RGPD3: variants seen among roughly 807,000 people sequenced by gnomAD.
RGPD3 encodes the protein ranBP2-like and GRIP domain-containing protein 3.
Under a neutral mutation model 154.5 loss-of-function variants are expected in RGPD3, and 62 were observed. The ratio of observed to expected loss-of-function variants is 0.40; its 90% CI spans 0.33 to 0.50. RGPD3 has a LOEUF of 0.50. RGPD3 is among the 20% of genes least tolerant of loss of function. The pLI, the probability that RGPD3 is intolerant of heterozygous loss-of-function variation, is 0.59. For synonymous variants in RGPD3, 308 were observed against 607.0 expected (o/e 0.51, Z 7.24); for missense variants, 919 against 1,716.8 (o/e 0.54, Z 8.21).
At position 106,436,249 on chromosome 2, in the gene RGPD3, A is replaced by C. The variant is rs544753383; in HGVS notation, c.1635-3T>G. 262 of 1,611,916 alleles carry C rather than the reference A, an allele frequency of 1.6e-4. 1 individual carries two copies. In the Middle Eastern group the frequency reaches 2.0e-3, roughly 12 times the overall value. On this transcript the variant is annotated splice_region_variant and splice_polypyrimidine_tract_variant and intron_variant, in intron 11 of 22. Transcript: ENST00000409886. ...TCAATTTTGCTGAGTTTCCAGGTCTAAAAAATAGTTCAATTTACTAAAATT... is the reference window on the plus strand; with the variant it reads ...TCAATTTTGCTGAGTTTCCAGGTCTCAAAAATAGTTCAATTTACTAAAATT...
intron 22 of RGPD3, among the ~76,000 whole-genome samples, chr2:106,406,813 T>C (rs1467831997): frequency 1.3e-5 from 2 of 152,214 alleles, no homozygotes; most frequent in East Asian, 1.9e-4. Context: ...TGTGTTTTCA[T>C]ACGTATATAT....
chr2:106,464,830 T>A (rs1678518315), intron 1 of RGPD3, among the ~76,000 whole-genome samples: 1 of 151,670 alleles, frequency 6.6e-6, no homozygotes, highest in African/African-American at 2.4e-5. Context: ...TTCAAGCAAT[T>A]CTCCTGTCTC....
chr2:106,450,369 C>T (rs62152518), intron 6 of RGPD3, among the ~76,000 whole-genome samples: 72,011 of 110,750 alleles, frequency 0.65, 23,409 homozygotes, highest in East Asian at 0.99. Flanking sequence ...GACAAACCAT[C>T]TGTCACCCAC....
chr2:106,465,837 C>A (rs548773397), intron 1 of RGPD3, among the ~76,000 whole-genome samples: 27 of 151,116 alleles, frequency 1.8e-4, no homozygotes, highest in African/African-American at 6.1e-4. Flanking sequence ...AAAGGGACAG[C>A]GACAAACACC....
At chr2:106,467,512 G>C (rs1238441802) in intron 1 of RGPD3, among the ~76,000 whole-genome samples, 1 of 55,098 alleles carries the variant, frequency 1.8e-5, no homozygotes, top group African/African-American at 8.1e-5. Context: ...CTGAGCCATC[G>C]AGGCCGCCGC....
chr2:106,414,858 T>C (rs1478722438), intron 21 of RGPD3, among the ~76,000 whole-genome samples: 1 of 151,648 alleles, frequency 6.6e-6, no homozygotes, highest in Non-Finnish European at 1.5e-5. Flanking sequence ...GCAGGACAGA[T>C]CTATTAGGAG....
intron 1 of RGPD3, among the ~76,000 whole-genome samples, chr2:106,462,596 C>T (rs1021692476): frequency 3.0e-4 from 45 of 152,234 alleles, no homozygotes; most frequent in African/African-American, 1.0e-3. Flanking sequence ...CACATCATCG[C>T]TATCTTGCAC....
At chr2:106,414,649 A>G (rs1440638303) in intron 21 of RGPD3, among the ~76,000 whole-genome samples, 1 of 151,538 alleles carries the variant, frequency 6.6e-6, no homozygotes, top group Non-Finnish European at 1.5e-5. Context: ...TAACATTTAA[A>G]TAAGTCATTT....
chr2:106,437,991 G>C (rs925294448), intron 9 of RGPD3, among the ~76,000 whole-genome samples: 47 of 152,368 alleles, frequency 3.1e-4, no homozygotes, highest in African/African-American at 1.0e-3. Flanking sequence ...TAGTGCAGCA[G>C]TGTGATCTTG....
Position 106,466,012 on chromosome 2 carries a change from C to T in RGPD3, c.72+2205G>A, listed in dbSNP as rs1006894889. On this transcript the variant is annotated intron_variant, in intron 1 of 22. Coordinates refer to ENST00000409886, the MANE Select transcript of RGPD3 (RefSeq NM_001144013.2). ...CCAGGCCAAGGAGGTATGACCTCCG[C>T]CGCAGCATATAAAGTAAATGTCCAG... Among the ~76,000 whole-genome samples, 5 of 152,120 alleles carry T rather than the reference C, an allele frequency of 3.3e-5. 1 individual carries two copies. Among genetic ancestry groups the T allele is most frequent in the East Asian group, 1.9e-4 (1 of 5,134 alleles).
chr2:106,424,698 T>C lies in RGPD3; in HGVS notation c.3269A>G (p.Asn1090Ser). 1 of 1,611,958 alleles carries C rather than the reference T, an allele frequency of 6.2e-7. No homozygotes were observed. Among genetic ancestry groups the C allele is most frequent in the Non-Finnish European group, 8.5e-7 (1 of 1,179,834 alleles). ...RGLGNLKILK[N>S]EVNGKVRMLM... ...CATTCTTACTTTGCCATTGACCTCG[T>C]TTTTGAGAATTTTTAAGTTCCCCAA... is the stretch of plus-strand genomic sequence containing the variant. The change falls in exon 20 of 23, where the codon AAC (asparagine) becomes AGC (serine). Residue 1090 changes from asparagine to serine, a missense_variant. Transcript: ENST00000409886.
intron 7 of RGPD3, among the ~76,000 whole-genome samples, chr2:106,442,268 G>A (rs912583041): frequency 7.8e-5 from 8 of 102,624 alleles, no homozygotes; most frequent in African/African-American, 3.1e-4. Context: ...TACATTCAGA[G>A]AAATGGAAAA....
At chr2:106,470,727 T>C (rs1678792203), upstream of RGPD3, 1 of 1,447,614 alleles carries the variant, frequency 6.9e-7, no homozygotes, top group Non-Finnish European at 9.4e-7. Context: ...AAGTTAACCA[T>C]GGAAAGAACT....
At chr2:106,412,624 A>G in intron 22 of RGPD3, 1 of 349,196 alleles carries the variant, frequency 2.9e-6, no homozygotes, top group East Asian at 7.4e-5. Context: ...CACAGTTTTA[A>G]AACTGCATTT....
intron 20 of RGPD3, among the ~76,000 whole-genome samples, chr2:106,420,060 C>T (rs1676931432): frequency 6.7e-6 from 1 of 150,224 alleles, no homozygotes; most frequent in African/African-American, 2.5e-5. Context: ...AATATCCATG[C>T]ATTTGCAGCA....
intron 22 of RGPD3, chr2:106,412,668 T>C (rs568797395): frequency 5.4e-4 from 234 of 436,976 alleles, no homozygotes; most frequent in African/African-American, 4.4e-3. Context: ...ATAGACCAAG[T>C]GTTGGGCTCT....
chr2:106,411,018 T>G (rs1461473844), intron 22 of RGPD3, among the ~76,000 whole-genome samples: 3 of 150,444 alleles, frequency 2.0e-5, no homozygotes, highest in Admixed American at 6.7e-5. Flanking sequence ...TAAAAAAAAT[T>G]AAGCCTGAAT....
intron 20 of RGPD3, among the ~76,000 whole-genome samples, chr2:106,417,941 C>T (rs1347347072): frequency 4.0e-5 from 6 of 149,494 alleles, no homozygotes; most frequent in Admixed American, 3.3e-4. Flanking sequence ...CCAGCCTGGC[C>T]AAGATGGTGA....
intron 20 of RGPD3, among the ~76,000 whole-genome samples, chr2:106,417,753 TATC>T (rs1385175029): frequency 6.6e-6 from 1 of 151,092 alleles, no homozygotes; most frequent in African/African-American, 2.5e-5. Context: ...AAAATGAAAA[TATC>T]AAATGATAAG....
Sources: gnomAD v4.1 joint callset for allele counts (sites outside exome capture counted in the v4.1 genomes callset) on GRCh38, gnomAD v4.1.1 for gene constraint, MANE v1.5 for transcripts, NCBI Gene and HGNC (gene_info 2026-07-23, HGNC 2026-07-21) for gene names.